GAS6: variants seen among roughly 807,000 people sequenced by gnomAD.
GAS6 encodes the protein growth arrest-specific protein 6.
GAS6 carries 41 observed loss-of-function variants against 75.8 expected under a neutral mutation model. The observed-to-expected ratio is 0.54, with a 90% CI of 0.42 to 0.70. The LOEUF (loss-of-function observed/expected upper bound fraction) is 0.70, where lower values mean the gene tolerates loss of function less well. Among genes scored for constraint, GAS6 ranks in the 30% least tolerant of loss-of-function variants. The pLI is 0.00. For synonymous variants in GAS6, 432 were observed against 412.6 expected (o/e 1.05, Z -0.57); for missense variants, 854 against 940.2 (o/e 0.91, Z 1.20).
At chr13:113,841,720 T>A (rs2051781964) in intron 4 of GAS6, 1 of 105,064 alleles carries the variant, frequency 9.5e-6, no homozygotes, top group Non-Finnish European at 1.8e-5. Context: ...GTTTCCTCCA[T>A]ACACCCCACA....
At chr13:113,832,911 G>A (rs1290658053) in intron 8 of GAS6, 159 bp from the exon 9 acceptor site, 1 of 1,511,186 alleles carries the variant, frequency 6.6e-7, no homozygotes. Context: ...TGTCACACCT[G>A]CCCCACTGGG....
chr13:113,835,459 C>G, intron 7 of GAS6, 54 bp downstream of exon 7: 4 of 1,592,592 alleles, frequency 2.5e-6, no homozygotes, highest in Non-Finnish European at 3.4e-6. Context: ...GACTGGCACC[C>G]GTGTCTAGAC....
In GAS6 at chr13:113,837,537, G is replaced by A. The variant is rs1261796545; in HGVS notation, c.589+532C>T. On this transcript the variant is annotated intron_variant, in intron 6 of 14. Transcript: ENST00000327773. The surrounding 1 kb of genome is among the most constrained non-coding windows in gnomAD (Gnocchi z 5.1). ...GCACCTGGAACAGCGTCGGGGGCGC[G>A]CACATTCACAGTGACTTTCTGGGGT... Among the ~76,000 whole-genome samples, 1 of 152,156 alleles carries A rather than the reference G, an allele frequency of 6.6e-6. No individual in the cohort carries two copies. The highest frequency in any genetic ancestry group is 1.5e-5 in the Non-Finnish European group (1 of 68,014).
rs369718121 is a variant in GAS6 at position 113,824,159 on chromosome 13, CG to C, written c.1478-610del. Among the ~76,000 whole-genome samples, 74 of 86,842 alleles carry C rather than the reference CG, an allele frequency of 8.5e-4. 11 individuals are homozygous for C. Among genetic ancestry groups the C allele is most frequent in the African/African-American group, 6.2e-3 (71 of 11,446 alleles). 57.0% of individuals were successfully genotyped at this position (86,842 alleles called of 152,430 possible). A position where few individuals can be genotyped will look rare whatever the true frequency, so the allele number is the denominator to read the frequency against. ...TCTGGGGTCTGAGCTGTCGGGAGCA[CG>C]CGTGGTCTGGGGTCTGAGCTGTCAG... On this transcript the variant is annotated intron_variant, in intron 12 of 14. Coordinates refer to ENST00000327773, the MANE Select transcript of GAS6 (RefSeq NM_000820.4).
At chr13:113,860,759 C>G (rs1268362082) in intron 2 of GAS6, among the ~76,000 whole-genome samples, 4 of 152,040 alleles carry the variant, frequency 2.6e-5, no homozygotes. Flanking sequence ...GGGAGGGGCA[C>G]GGCTCCAGCA....
Position 113,828,576 on chromosome 13 carries a change from G to C in GAS6, c.1279C>G (p.Pro427Ala), listed in dbSNP as rs773143110. ...TGCACGAGGTCCTTCTCATGGAAGG[G>C]AATACCTCCCACGGTCAGGTTCAGA... ...YHLNLTVGGI[P>A]FHEKDLVQPI... Residue 427 changes from proline to alanine, a missense_variant, in exon 11 of 15, where the codon CCC becomes GCC. Coordinates refer to ENST00000327773, the MANE Select transcript of GAS6 (RefSeq NM_000820.4). 1 of 1,613,484 alleles carries C rather than the reference G, an allele frequency of 6.2e-7. No homozygotes were observed. The highest frequency in any genetic ancestry group is 8.5e-7 in the Non-Finnish European group (1 of 1,179,974).
intron 12 of GAS6, 78 bp downstream of exon 12, chr13:113,826,918 G>GCA: frequency 1.0e-6 from 1 of 999,748 alleles, no homozygotes; most frequent in Non-Finnish European, 1.3e-6. Flanking sequence ...TGCCATCTGA[G>GCA]GCCGTCTGCT....
At chr13:113,824,204 G>T (rs999047922) in intron 12 of GAS6, among the ~76,000 whole-genome samples, 10 of 124,002 alleles carry the variant, frequency 8.1e-5, no homozygotes, top group African/African-American at 3.1e-4. Flanking sequence ...GCGGTCTGGG[G>T]TCTGAGCTGT....
intron 2 of GAS6, among the ~76,000 whole-genome samples, chr13:113,858,485 ATG>A (rs1257414535): frequency 2.8e-5 from 4 of 145,402 alleles, no homozygotes; most frequent in Admixed American, 2.7e-4. Flanking sequence ...CTGTGTGCCT[ATG>A]TATGCATGTC....
chr13:113,839,908 A>G, intron 4 of GAS6, 58 bp from the exon 5 acceptor site: 2 of 1,610,580 alleles, frequency 1.2e-6, no homozygotes, highest in Non-Finnish European at 1.7e-6. Context: ...TGCGCGCCCA[A>G]CGCAGCTGAG....
chr13:113,826,989 G>A lies in GAS6; in HGVS notation c.1477+7C>T, dbSNP rs757744073. ...CAGCCACCCCAACGGTAAGAGCCAA[G>A]ACTTACTGTAGTCCAGGCTGTAGAA... On this transcript the variant is annotated splice_region_variant and intron_variant, in intron 12 of 14. Transcript: ENST00000327773. 1.9e-6 allele frequency: 3 copies of A among 1,611,832 alleles called. No individual in the cohort carries two copies. The highest frequency in any genetic ancestry group is 1.3e-5 in the African/African-American group (1 of 74,832).
Position 113,820,862 on chromosome 13 carries a change from G to T in GAS6, c.*2C>A. On this transcript the variant is annotated 3_prime_UTR_variant, in exon 15 of 15. Transcript: ENST00000327773. ...GAGAAGCCTGCCGCGTCCCGTGGGGGCCTAGGCTGCGGCGGGCTCCACGGG... is the reference window on the plus strand; with the variant it reads ...GAGAAGCCTGCCGCGTCCCGTGGGGTCCTAGGCTGCGGCGGGCTCCACGGG... 6.2e-7 allele frequency: 1 copy of T among 1,609,294 alleles called. No homozygotes were observed. The highest frequency in any genetic ancestry group is 8.5e-7 in the Non-Finnish European group (1 of 1,179,436).
At chr13:113,840,662 G>A (rs1469793121) in intron 4 of GAS6, 1 of 152,274 alleles carries the variant, frequency 6.6e-6, no homozygotes, top group Non-Finnish European at 1.5e-5. Flanking sequence ...CTGAGCCCCG[G>A]GAAGTTGGCA....
chr13:113,834,270 C>T (rs1406720014), intron 8 of GAS6, among the ~76,000 whole-genome samples: 1 of 152,052 alleles, frequency 6.6e-6, no homozygotes, highest in East Asian at 1.9e-4. Context: ...GGCTCCCTGG[C>T]ACGCGGCAGA....
intron 3 of GAS6, among the ~76,000 whole-genome samples, chr13:113,847,319 C>A (rs1220747407): frequency 6.6e-6 from 1 of 152,198 alleles, no homozygotes; most frequent in East Asian, 1.9e-4. Context: ...AGATATGGAC[C>A]CAGGGAAGGA....
intron 2 of GAS6, among the ~76,000 whole-genome samples, chr13:113,849,046 T>C (rs924401411): frequency 2.0e-5 from 3 of 152,144 alleles, no homozygotes; most frequent in Non-Finnish European, 4.4e-5. Context: ...TTCCCACCTC[T>C]CTCCCACACT....
chr13:113,855,747 T>G (rs1417943394), intron 2 of GAS6, among the ~76,000 whole-genome samples: 1 of 152,078 alleles, frequency 6.6e-6, no homozygotes, highest in African/African-American at 2.4e-5. Context: ...ATGCCCTGAC[T>G]GCGACCACCA....
chr13:113,821,130 C>T, intron 14 of GAS6, 112 bp from the exon 15 acceptor site: 1 of 1,136,392 alleles, frequency 8.8e-7, no homozygotes, highest in South Asian at 1.4e-5. Context: ...TCCGAAAGGG[C>T]AGGGTTTCCC....
At chr13:113,843,122 A>C in intron 4 of GAS6, 2 of 337,936 alleles carry the variant, frequency 5.9e-6, no homozygotes, top group Non-Finnish European at 1.1e-5. Flanking sequence ...GGAGACAGAA[A>C]CCTCTGCAGG....
Sources: allele counts gnomAD v4.1 joint callset (sites outside exome capture counted in the v4.1 genomes callset), GRCh38; gene constraint gnomAD v4.1.1; non-coding constraint Gnocchi (gnomAD v3.1); transcripts MANE v1.5; gene names NCBI Gene and HGNC (gene_info 2026-07-23, HGNC 2026-07-21).